THUMPD3: variants seen among roughly 807,000 people sequenced by gnomAD.
THUMPD3 encodes tRNA (guanine(6)-N(2))-methyltransferase THUMP3.
In THUMPD3, 44 loss-of-function variants were observed where a neutral mutation model predicts 54.5. The ratio of observed to expected loss-of-function variants is 0.81; its 90% CI spans 0.63 to 1.04. THUMPD3 has a LOEUF of 1.04. Ranked by LOEUF, THUMPD3 falls within the 50% of genes least tolerant of loss-of-function variation. The pLI, the probability that THUMPD3 is intolerant of heterozygous loss-of-function variation, is 0.00. For synonymous variants in THUMPD3, 196 were observed against 201.4 expected, an observed-to-expected ratio of 0.97 and a Z score of 0.23; for missense variants, 604 against 601.3, an observed-to-expected ratio of 1.00 and a Z score of -0.05.
chr3:9,368,812 C>T (rs1338484315), intron 3 of THUMPD3, among the ~76,000 whole-genome samples: 1 of 152,186 alleles, frequency 6.6e-6, no homozygotes. Flanking sequence ...TGCTATGCAG[C>T]TCCCTCCCTG....
chr3:9,373,348 T>A (rs1189285076), intron 4 of THUMPD3, among the ~76,000 whole-genome samples: 2 of 151,648 alleles, frequency 1.3e-5, no homozygotes, highest in African/African-American at 4.8e-5. Context: ...AAAAAAAAAT[T>A]AGCTGAGTAT....
rs1280430015 is a variant in THUMPD3 at position 9,384,280 on chromosome 3, C to CACCT, written c.1308_1311dup (p.Thr438TyrfsTer87). 8.1e-6 allele frequency: 13 copies of CACCT among 1,614,092 alleles called. No homozygotes were observed. Among genetic ancestry groups the CACCT allele is most frequent in the Non-Finnish European group, 1.1e-5 (13 of 1,180,050 alleles). ...CTACGGGAGATGAGCCGTGTCTGCA[C>CACCT]ACCTACCACAGGCCGAGCTGTACTA... On this transcript the variant is annotated frameshift_variant, in exon 9 of 10. Transcript: ENST00000452837. LOFTEE classifies it high-confidence loss of function.
In THUMPD3 at chr3:9,371,170, A is replaced by G. The variant is rs1487187073; in HGVS notation, c.441A>G (p.Lys147=). The part of the protein sequence containing the change: ...ASFKKKKAKR[K]KINQNSSKEK... ...TTAAAAAGAAAAAAGCAAAGCGCAAAAAGATAAATCAGAATTCAAGTAAAG... is the reference window on the plus strand; with the variant it reads ...TTAAAAAGAAAAAAGCAAAGCGCAAGAAGATAAATCAGAATTCAAGTAAAG... The change falls in exon 4 of 10, where the codon AAA becomes AAG. Residue 147 remains lysine, a synonymous_variant. Transcript: ENST00000452837. The G allele has an allele frequency of 6.2e-7, 1 of 1,612,276 alleles. No homozygotes were observed. The highest frequency in any genetic ancestry group is 8.5e-7 in the Non-Finnish European group (1 of 1,179,718).
intron 8 of THUMPD3, 83 bp from the exon 9 acceptor site, chr3:9,384,129 T>C: frequency 7.0e-7 from 1 of 1,428,892 alleles, no homozygotes; most frequent in Non-Finnish European, 9.6e-7. Context: ...TGCCTCAGGA[T>C]GCATGAAACT....
At chr3:9,368,668 G>C (rs543597894) in intron 3 of THUMPD3, among the ~76,000 whole-genome samples, 63 of 152,146 alleles carry the variant, frequency 4.1e-4, no homozygotes, top group African/African-American at 1.4e-3. Context: ...GCCTCCATCT[G>C]CCTTTTTAAA....
At chr3:9,366,744 A>G (rs1339083357) in intron 2 of THUMPD3, among the ~76,000 whole-genome samples, 164 bp from the exon 3 acceptor site, 1 of 152,238 alleles carries the variant, frequency 6.6e-6, no homozygotes, top group Non-Finnish European at 1.5e-5. Context: ...CTGATTAGTA[A>G]CCAAAGAGAT....
At chr3:9,376,352 C>T (rs1379317106) in intron 5 of THUMPD3, among the ~76,000 whole-genome samples, 1 of 152,202 alleles carries the variant, frequency 6.6e-6, no homozygotes, top group South Asian at 2.1e-4. Flanking sequence ...TGTCTCTTCT[C>T]ATCTACATGC....
rs2033349729 is a variant in THUMPD3 at position 9,386,614 on chromosome 3, A to G, written c.*1926A>G. The G allele has an allele frequency of 6.6e-6, 1 of 152,092 alleles. No individual in the cohort carries two copies. 9.4% of individuals were successfully genotyped at this position (152,092 alleles called of 1,614,324 possible). ...TTCTTCCCTAGTATGGTGTTTTTCA[A>G]TCTGGTGACTAGAATAGGCAGTGGG... On this transcript the variant is annotated 3_prime_UTR_variant, in exon 10 of 10. Transcript: ENST00000452837.
Position 9,375,977 on chromosome 3 carries a change from T to C in THUMPD3, c.938+1331T>C, listed in dbSNP as rs1281259120. On this transcript the variant is annotated intron_variant, in intron 5 of 9. Transcript: ENST00000452837. ...ACTGTATTCCTTCTCTTCCAATCTT[T>C]TATCTTCCTAACATATTAATTCAAT... Among the ~76,000 whole-genome samples, 4 of 152,366 alleles carry C rather than the reference T, an allele frequency of 2.6e-5. No individual in the cohort carries two copies. In the East Asian group the frequency reaches 7.7e-4, roughly 29 times the overall value.
intron 3 of THUMPD3, 116 bp downstream of exon 3, chr3:9,367,101 C>A: frequency 1.4e-6 from 1 of 718,932 alleles, no homozygotes; most frequent in South Asian, 2.4e-5. Context: ...ATAGAGAATA[C>A]TGGGAGGCTT....
intron 3 of THUMPD3, among the ~76,000 whole-genome samples, chr3:9,370,538 A>C (rs910693550): frequency 6.6e-6 from 1 of 152,234 alleles, no homozygotes; most frequent in Non-Finnish European, 1.5e-5. Context: ...TTGACCTCCC[A>C]GGCTCAAGCA....
intron 3 of THUMPD3, among the ~76,000 whole-genome samples, chr3:9,370,230 A>G (rs1467045432): frequency 6.6e-6 from 1 of 152,174 alleles, no homozygotes; most frequent in Non-Finnish European, 1.5e-5. Context: ...TCTGCTTTAT[A>G]ATCACAATCC....
At chr3:9,383,950 G>T (rs532754535) in intron 8 of THUMPD3, among the ~76,000 whole-genome samples, 1 of 152,232 alleles carries the variant, frequency 6.6e-6, no homozygotes, top group African/African-American at 2.4e-5. Flanking sequence ...CACTTGTTTG[G>T]TTTATACAGT....
intron 7 of THUMPD3, among the ~76,000 whole-genome samples, chr3:9,382,307 G>A (rs1403508789): frequency 1.3e-5 from 2 of 151,926 alleles, no homozygotes; most frequent in Non-Finnish European, 2.9e-5. Context: ...CTTAGCCTGT[G>A]CATTATTTTG....
At position 9,363,126 on chromosome 3, in the gene THUMPD3, CGGTAACTGGCGGCG is replaced by C. The variant is rs2031019010; in HGVS notation, c.-54+1_-54+14del. ...AGCTGAAAGGGTCTTCGCTGGCGGC[CGGTAACTGGCGGCG>C]GTTGGGAACGGCCGAGTGTGGCTCT... On this transcript the variant is annotated splice_donor_variant and splice_donor_5th_base_variant and 5_prime_UTR_variant and intron_variant, in exon 1 of 10. Coordinates refer to ENST00000452837, the MANE Select transcript of THUMPD3 (RefSeq NM_001114092.2). LOFTEE classifies it low-confidence loss of function (5UTR_SPLICE). 6.6e-6 allele frequency: 1 copy of C among 152,496 alleles called. No homozygotes were observed. The highest frequency in any genetic ancestry group is 6.5e-5 in the Admixed American group (1 of 15,288). The allele number at this position is 152,496 out of a possible 1,614,324, so 9.4% of individuals were successfully genotyped here.
At chr3:9,381,827 T>A (rs2032934520) in intron 7 of THUMPD3, among the ~76,000 whole-genome samples, 1 of 125,468 alleles carries the variant, frequency 8.0e-6, no homozygotes, top group Non-Finnish European at 1.6e-5. Context: ...TCGCCCAGGC[T>A]GGAGTGCAGT....
At chr3:9,383,044 T>C (rs1559312459) in intron 7 of THUMPD3, 155 bp from the exon 8 acceptor site, 2 of 532,366 alleles carry the variant, frequency 3.8e-6, no homozygotes, top group South Asian at 5.0e-5. Flanking sequence ...TTTTTTACCT[T>C]TGTGCCATTT....
At position 9,380,804 on chromosome 3, in the gene THUMPD3, C is replaced by G. The variant is rs113348571; in HGVS notation, c.1124+186C>G. On this transcript the variant is annotated intron_variant, in intron 7 of 9. Coordinates refer to ENST00000452837, the MANE Select transcript of THUMPD3 (RefSeq NM_001114092.2). Reference sequence around the variant, plus strand: ...TTATATTTTTAAAATATTATTTTAGCGATAATTTCCCCACCATATGCAATT... The same window carrying G: ...TTATATTTTTAAAATATTATTTTAGGGATAATTTCCCCACCATATGCAATT... 2.0e-3 allele frequency: 822 copies of G among 409,294 alleles called. 4 individuals carry two copies. The highest frequency in any genetic ancestry group is 0.016 in the Middle Eastern group (25 of 1,530). 25.4% of individuals were successfully genotyped at this position (409,294 alleles called of 1,614,324 possible). A position where few individuals can be genotyped will look rare whatever the true frequency, so the allele number is the denominator to read the frequency against.
intron 5 of THUMPD3, among the ~76,000 whole-genome samples, chr3:9,376,064 A>G (rs555629525): frequency 2.3e-4 from 35 of 152,350 alleles, no homozygotes; most frequent in African/African-American, 7.9e-4. Context: ...CATTAATTTA[A>G]CAAATATGCA....
Sources: allele counts gnomAD v4.1 joint callset (sites outside exome capture counted in the v4.1 genomes callset), GRCh38; gene constraint gnomAD v4.1.1; transcripts MANE v1.5; gene names NCBI Gene and HGNC (gene_info 2026-07-23, HGNC 2026-07-21).